PCNX2: variants seen among roughly 807,000 people sequenced by gnomAD.
The protein encoded by PCNX2 is pecanex 2.
In PCNX2, 168 loss-of-function variants were observed where a neutral mutation model predicts 223.8. The observed-to-expected ratio is 0.75, with a 90% CI of 0.66 to 0.85. The LOEUF (loss-of-function observed/expected upper bound fraction) is 0.85. Among genes scored for constraint, PCNX2 ranks in the 40% least tolerant of loss-of-function variants. The probability of loss-of-function intolerance (pLI) is 0.00; values close to 1 mark genes in which losing one functional copy is unlikely to be tolerated. For missense variants in PCNX2, 2,507 were observed against 2,675.5 expected (o/e 0.94, Z 1.39); for synonymous variants, 1,006 against 1,052.6 (o/e 0.96, Z 0.86).
At chr1:233,056,368 T>C (rs1672191149) in intron 24 of PCNX2, among the ~76,000 whole-genome samples, 1 of 152,186 alleles carries the variant, frequency 6.6e-6, no homozygotes, top group Admixed American at 6.5e-5. Context: ...TGACCACACA[T>C]TTGCATAATT....
intron 28 of PCNX2, among the ~76,000 whole-genome samples, chr1:233,007,572 C>T (rs1301728100): frequency 6.6e-6 from 1 of 152,162 alleles, no homozygotes; most frequent in Non-Finnish European, 1.5e-5. Context: ...GAGTCTCTCT[C>T]TGTTGCCCAG....
At chr1:233,279,053 A>C (rs970959813) in intron 1 of PCNX2, among the ~76,000 whole-genome samples, 4 of 152,166 alleles carry the variant, frequency 2.6e-5, no homozygotes, top group African/African-American at 7.2e-5. Flanking sequence ...GTTTTTTCCA[A>C]AGAGCTCTAG....
At chr1:232,989,644 A>G (rs1669626176) in intron 32 of PCNX2, among the ~76,000 whole-genome samples, 1 of 152,186 alleles carries the variant, frequency 6.6e-6, no homozygotes, top group African/African-American at 2.4e-5. Flanking sequence ...GGACCCCTGT[A>G]TCACTTCTAT....
intron 17 of PCNX2, among the ~76,000 whole-genome samples, chr1:233,175,904 A>AT (rs1347027085): frequency 2.6e-5 from 4 of 152,258 alleles, no homozygotes; most frequent in African/African-American, 4.8e-5. Context: ...CTGAGTATGA[A>AT]TTTTTTTAAG....
At chr1:233,242,100 G>A (rs1442462095) in intron 8 of PCNX2, among the ~76,000 whole-genome samples, 1 of 152,164 alleles carries the variant, frequency 6.6e-6, no homozygotes, top group Non-Finnish European at 1.5e-5. Flanking sequence ...TGAGGAGGTA[G>A]TAAAGATTAA....
chr1:233,303,341 C>T, the PCNX2 span, among the ~76,000 whole-genome samples: 1 of 152,052 alleles, frequency 6.6e-6, no homozygotes, highest in Non-Finnish European at 1.5e-5. Context: ...TGGAGAAATC[C>T]TGTCTTTACA....
In PCNX2 at chr1:233,014,765, G is replaced by C. The variant is rs1670591472; in HGVS notation, c.4852C>G (p.Leu1618Val). Residue 1618 changes from leucine (L) to valine (V), a missense_variant, in exon 28 of 34, where the codon CTG becomes GTG. By Grantham distance (32) the Leu-to-Val change is conservative (BLOSUM62 1). Coordinates refer to ENST00000258229, the MANE Select transcript of PCNX2 (RefSeq NM_014801.4). ...AAGGGAGAGTCCTCGTCACTGTCCAGGGTCGTTGAAGGCTGAAAGAGCAAG... is the reference window on the plus strand; with the variant it reads ...AAGGGAGAGTCCTCGTCACTGTCCACGGTCGTTGAAGGCTGAAAGAGCAAG... ...ARKRQEPSTTLDSDEDSPLVT... is the reference protein window; with the variant it reads ...ARKRQEPSTTVDSDEDSPLVT... The C allele has an allele frequency of 6.2e-7, 1 of 1,613,816 alleles. No homozygotes were observed. The highest frequency in any genetic ancestry group is 1.3e-5 in the African/African-American group (1 of 75,022).
intron 20 of PCNX2, 125 bp from the exon 21 acceptor site, chr1:233,135,315 C>G: frequency 9.9e-7 from 1 of 1,011,240 alleles, no homozygotes; most frequent in Non-Finnish European, 1.4e-6. Context: ...AAAAGCCAAT[C>G]TAAGGGGCCC....
At chr1:233,197,087 A>T (rs12025630) in intron 15 of PCNX2, among the ~76,000 whole-genome samples, 10,468 of 152,186 alleles carry the variant, frequency 0.069, 608 homozygotes, top group East Asian at 0.32. Flanking sequence ...CAGAAATCTG[A>T]TGAATGGTGG....
chr1:232,994,998 C>A (rs1669829064), intron 32 of PCNX2, among the ~76,000 whole-genome samples: 1 of 152,188 alleles, frequency 6.6e-6, no homozygotes, highest in African/African-American at 2.4e-5. Context: ...CATTCAGTTT[C>A]TTTATCTGCA....
At chr1:233,025,828 A>G (rs1671062721) in intron 25 of PCNX2, among the ~76,000 whole-genome samples, 1 of 152,240 alleles carries the variant, frequency 6.6e-6, no homozygotes, top group African/African-American at 2.4e-5. Context: ...ATAAAATGGC[A>G]TATGCAAAGT....
intron 23 of PCNX2, among the ~76,000 whole-genome samples, chr1:233,073,077 A>G (rs1672928653): frequency 6.6e-6 from 1 of 152,136 alleles, no homozygotes; most frequent in South Asian, 2.1e-4. Flanking sequence ...CTTGTTATAT[A>G]GTCTATTTAG....
intron 10 of PCNX2, 88 bp from the exon 11 acceptor site, chr1:233,218,272 G>A (rs1318447353): frequency 2.7e-6 from 3 of 1,113,004 alleles, no homozygotes; most frequent in East Asian, 2.7e-5. Context: ...TTTCTGAGAT[G>A]GAATCTTGCT....
At chr1:233,230,885 A>C (rs540480496) in intron 9 of PCNX2, among the ~76,000 whole-genome samples, 271 of 152,264 alleles carry the variant, frequency 1.8e-3, no homozygotes, top group African/African-American at 6.2e-3. Context: ...GAATTTTTGA[A>C]ATCTAAGAAT....
chr1:233,287,846 A>G (rs1661532032), intron 1 of PCNX2, among the ~76,000 whole-genome samples: 1 of 152,168 alleles, frequency 6.6e-6, no homozygotes, highest in African/African-American at 2.4e-5. Flanking sequence ...TGACTGTAAA[A>G]TGGGAATAAT....
intron 14 of PCNX2, 74 bp from the exon 15 acceptor site, chr1:233,199,104 G>C (rs1680907135): frequency 4.4e-6 from 6 of 1,368,712 alleles, no homozygotes; most frequent in Non-Finnish European, 6.0e-6. Context: ...ACAGTGAAGA[G>C]ATGGTTGCAC....
At chr1:233,113,667 C>T (rs918653832) in intron 21 of PCNX2, among the ~76,000 whole-genome samples, 8 of 152,196 alleles carry the variant, frequency 5.3e-5, no homozygotes, top group African/African-American at 1.4e-4. Context: ...GGAACACAGA[C>T]GCACTAGAGG....
At chr1:233,162,856 T>A (rs969744683) in intron 17 of PCNX2, among the ~76,000 whole-genome samples, 1 of 152,232 alleles carries the variant, frequency 6.6e-6, no homozygotes, top group South Asian at 2.1e-4. Context: ...TCATGTGTTA[T>A]GTTTAACTGA....
chr1:232,986,018 C>T lies in PCNX2; in HGVS notation c.6240+74G>A, dbSNP rs1415131526. 3 of 1,488,764 alleles carry T rather than the reference C, an allele frequency of 2.0e-6. No homozygotes were observed. The East Asian group carries it at 7.4e-5, about 37-fold the overall frequency. 92.2% of individuals were successfully genotyped at this position (1,488,764 alleles called of 1,614,324 possible). On this transcript the variant is annotated intron_variant, in intron 33 of 33. Coordinates refer to ENST00000258229, the MANE Select transcript of PCNX2 (RefSeq NM_014801.4). Reference sequence around the variant, plus strand: ...CAGGCAGAAGGGTGGGAACGCAAGGCAGGTGCCACGCTCAGGCCAGGAGCC... The same window carrying T: ...CAGGCAGAAGGGTGGGAACGCAAGGTAGGTGCCACGCTCAGGCCAGGAGCC...
Sources: gnomAD v4.1 joint callset for allele counts (sites outside exome capture counted in the v4.1 genomes callset) on GRCh38, gnomAD v4.1.1 for gene constraint, MANE v1.5 for transcripts, NCBI Gene and HGNC (gene_info 2026-07-23, HGNC 2026-07-21) for gene names.